PTGER3: variants seen among roughly 807,000 people sequenced by gnomAD.
PTGER3 encodes prostaglandin E2 receptor EP3 subtype.
Under a neutral mutation model 34.7 loss-of-function variants are expected in PTGER3, and 22 were observed. The ratio of observed to expected loss-of-function variants is 0.63; its 90% CI spans 0.45 to 0.91. PTGER3 has a LOEUF of 0.91. Ranked by LOEUF, PTGER3 falls within the 40% of genes least tolerant of loss-of-function variation. PTGER3 has a pLI of 0.00. For missense variants in PTGER3, 468 were observed against 519.4 expected (o/e 0.90, Z 0.96); for synonymous variants, 241 against 230.1 (o/e 1.05, Z -0.43).
At chr1:70,984,892 C>T (rs1654764527) in intron 2 of PTGER3, among the ~76,000 whole-genome samples, 1 of 151,988 alleles carries the variant, frequency 6.6e-6, no homozygotes, top group South Asian at 2.1e-4. Flanking sequence ...TTTAGTGAAA[C>T]AACAAAAATG....
chr1:70,956,394 A>C (rs1039204381), intron 2 of PTGER3, among the ~76,000 whole-genome samples: 2 of 151,924 alleles, frequency 1.3e-5, no homozygotes, highest in African/African-American at 4.8e-5. Flanking sequence ...TTTTTTTCCA[A>C]AAATAGTTGC....
At chr1:70,907,853 G>T (rs769534179) in intron 4 of PTGER3, among the ~76,000 whole-genome samples, 10 of 152,150 alleles carry the variant, frequency 6.6e-5, no homozygotes, top group Admixed American at 1.3e-4. Flanking sequence ...AGCTGAAAGC[G>T]GACTGCTTGG....
chr1:70,961,263 GT>G (rs952665559), intron 2 of PTGER3, among the ~76,000 whole-genome samples: 72 of 152,324 alleles, frequency 4.7e-4, no homozygotes, highest in African/African-American at 1.7e-3. Flanking sequence ...GATTAGGTGA[GT>G]TTGGAAAATG....
In PTGER3 at chr1:71,047,455, T is replaced by A; in HGVS notation, c.123A>T (p.Pro41=). The change falls in exon 1 of 4, where the codon CCA becomes CCT. Residue 41 remains proline, a synonymous_variant. Transcript: ENST00000306666. ...AEARGNLTRP[P]GSGEDCGSVS... ...CCGATCCGCAATCCTCGCCAGACCC[T>A]GGAGGGCGCGTGAGGTTGCCCCGCG... 2 of 1,610,506 alleles carry A rather than the reference T, an allele frequency of 1.2e-6. No individual in the cohort carries two copies. Among genetic ancestry groups the A allele is most frequent in the East Asian group, 4.5e-5 (2 of 44,734 alleles).
At chr1:70,886,953 C>T (rs544632645) in intron 4 of PTGER3, among the ~76,000 whole-genome samples, 2 of 152,248 alleles carry the variant, frequency 1.3e-5, no homozygotes, top group East Asian at 3.9e-4. Flanking sequence ...TAAGTTAACA[C>T]TAGAGACAGA....
chr1:70,971,040 C>G lies in PTGER3; in HGVS notation c.*690G>C. ...TGTTTTTTATGACACTCCAAGGATG[C>G]CCTTAGCTGCATCACTCCTTTGTCA... On this transcript the variant is annotated 3_prime_UTR_variant, in exon 4 of 4. Transcript: ENST00000306666. 1 of 985,282 alleles carries G rather than the reference C, an allele frequency of 1.0e-6. No individual in the cohort carries two copies. The highest frequency in any genetic ancestry group is 1.2e-6 in the Non-Finnish European group (1 of 829,914). The allele number at this position is 985,282 out of a possible 1,614,324, so 61.0% of individuals were successfully genotyped here.
At chr1:71,018,296 G>T (rs995271522) in intron 1 of PTGER3, among the ~76,000 whole-genome samples, 3 of 152,098 alleles carry the variant, frequency 2.0e-5, no homozygotes, top group African/African-American at 7.2e-5. Flanking sequence ...AAAAATAAAT[G>T]AATAAAGTAA....
chr1:70,900,991 T>G (rs997612725), intron 4 of PTGER3, among the ~76,000 whole-genome samples: 2 of 152,136 alleles, frequency 1.3e-5, no homozygotes, highest in Admixed American at 1.3e-4. Flanking sequence ...CAGAAATTAT[T>G]GTTTAGTGAG....
intron 4 of PTGER3, among the ~76,000 whole-genome samples, chr1:70,898,766 G>A (rs1006930317): frequency 6.6e-6 from 1 of 152,128 alleles, no homozygotes; most frequent in Non-Finnish European, 1.5e-5. Context: ...ATGCATAAAA[G>A]CATATAAAAT....
At chr1:70,936,526 G>GA (rs1364615428) in intron 4 of PTGER3, among the ~76,000 whole-genome samples, 1 of 151,638 alleles carries the variant, frequency 6.6e-6, no homozygotes, top group Non-Finnish European at 1.5e-5. Flanking sequence ...ACATAGTGAA[G>GA]AAAAAAAATG....
intron 4 of PTGER3, chr1:70,865,748 G>C (rs777772473): frequency 7.3e-7 from 1 of 1,366,886 alleles, no homozygotes; most frequent in Non-Finnish European, 9.8e-7. Flanking sequence ...AGACATGGCG[G>C]GAAAGGACAA....
At chr1:71,027,923 A>G (rs1490833206) in intron 1 of PTGER3, among the ~76,000 whole-genome samples, 1 of 152,196 alleles carries the variant, frequency 6.6e-6, no homozygotes, top group Admixed American at 6.6e-5. Context: ...ACATTTCAAG[A>G]GGCAAATAAC....
At chr1:71,011,133 T>C (rs757639876) in intron 2 of PTGER3, 2 of 985,762 alleles carry the variant, frequency 2.0e-6, no homozygotes, top group Non-Finnish European at 2.4e-6. Context: ...AGTGATCTAC[T>C]TGTGCACAAA....
At chr1:71,036,001 T>C (rs1659789310) in intron 1 of PTGER3, among the ~76,000 whole-genome samples, 1 of 152,256 alleles carries the variant, frequency 6.6e-6, no homozygotes, top group African/African-American at 2.4e-5. Context: ...CATAAAGTGC[T>C]CGTTTTTGAT....
intron 2 of PTGER3, among the ~76,000 whole-genome samples, chr1:70,983,757 T>C (rs1232189809): frequency 6.6e-6 from 1 of 151,966 alleles, no homozygotes; most frequent in Non-Finnish European, 1.5e-5. Context: ...AGAACAATTA[T>C]TGGTATCAAA....
intron 1 of PTGER3, among the ~76,000 whole-genome samples, chr1:71,018,666 C>A (rs1658131869): frequency 6.6e-6 from 1 of 152,198 alleles, no homozygotes; most frequent in Non-Finnish European, 1.5e-5. Flanking sequence ...TTGGATTTCT[C>A]TAACTTTTTG....
At chr1:70,974,838 G>T (rs1653525342) in intron 2 of PTGER3, among the ~76,000 whole-genome samples, 1 of 152,086 alleles carries the variant, frequency 6.6e-6, no homozygotes, top group Non-Finnish European at 1.5e-5. Flanking sequence ...TTGCCTTTTT[G>T]ATCTTAAATG....
chr1:70,871,943 A>T (rs1557618944), intron 4 of PTGER3, among the ~76,000 whole-genome samples: 1 of 152,184 alleles, frequency 6.6e-6, no homozygotes, highest in Non-Finnish European at 1.5e-5. Context: ...TATCTGTCAG[A>T]TTAAGATACT....
intron 2 of PTGER3, among the ~76,000 whole-genome samples, chr1:70,956,103 T>C (rs1201041904): frequency 6.6e-6 from 1 of 152,196 alleles, no homozygotes; most frequent in African/African-American, 2.4e-5. Flanking sequence ...GAAGTTGAAG[T>C]GTGAATTCAT....
Sources: gnomAD v4.1 joint callset for allele counts (sites outside exome capture counted in the v4.1 genomes callset) on GRCh38, gnomAD v4.1.1 for gene constraint, MANE v1.5 for transcripts, NCBI Gene and HGNC (gene_info 2026-07-23, HGNC 2026-07-21) for gene names.